MIPOL1: variants seen among roughly 807,000 people sequenced by gnomAD.
MIPOL1 encodes the protein mirror-image polydactyly gene 1 protein.
MIPOL1 carries 57 observed loss-of-function variants against 60.9 expected under a neutral mutation model. The ratio of observed to expected loss-of-function variants is 0.94; its 90% confidence interval spans 0.76 to 1.17. MIPOL1 has a LOEUF of 1.17. Ranked by LOEUF, MIPOL1 falls within the 50% of genes most tolerant of loss-of-function variation. The probability of loss-of-function intolerance (pLI) is 0.00; values close to 1 mark genes in which losing one functional copy is unlikely to be tolerated. For synonymous variants in MIPOL1, 179 were observed against 168.8 expected, an observed-to-expected ratio of 1.06 and a Z score of -0.47; for missense variants, 551 against 511.6, an observed-to-expected ratio of 1.08 and a Z score of -0.74.
chr14:37,395,787 G>A (rs185478500), intron 10 of MIPOL1, among the ~76,000 whole-genome samples: 1 of 152,196 alleles, frequency 6.6e-6, no homozygotes, highest in African/African-American at 2.4e-5. Flanking sequence ...AGGACTTCCA[G>A]TACTATGCTG....
chr14:37,464,962 T>C (rs2094581066), intron 11 of MIPOL1, among the ~76,000 whole-genome samples: 1 of 152,162 alleles, frequency 6.6e-6, no homozygotes, highest in East Asian at 1.9e-4. Flanking sequence ...CTTATTTCAG[T>C]GAAGTTTTGT....
At chr14:37,368,025 T>G (rs1288094236) in intron 9 of MIPOL1, among the ~76,000 whole-genome samples, 1 of 152,016 alleles carries the variant, frequency 6.6e-6, no homozygotes, top group African/African-American at 2.4e-5. Flanking sequence ...TTCAAGTAAA[T>G]TTTTAAAAAT....
intron 12 of MIPOL1, among the ~76,000 whole-genome samples, chr14:37,523,109 T>C (rs2095424927): frequency 6.6e-6 from 1 of 152,190 alleles, no homozygotes; most frequent in Admixed American, 6.5e-5. Context: ...ATCAAAGATT[T>C]ATGTTAACAG....
chr14:37,198,994 T>C (rs1299367948), intron 1 of MIPOL1, among the ~76,000 whole-genome samples: 1 of 152,198 alleles, frequency 6.6e-6, no homozygotes, highest in Admixed American at 6.5e-5. Flanking sequence ...TAATTTTTAA[T>C]GTGAGGAATA....
At chr14:37,338,414 CTTT>C (rs59933277) in intron 9 of MIPOL1, among the ~76,000 whole-genome samples, 206 of 150,236 alleles carry the variant, frequency 1.4e-3, no homozygotes, top group African/African-American at 3.7e-3. Flanking sequence ...CTGGCCCCCC[CTTT>C]TTTTTTTTTG....
rs1179532764 is a variant in MIPOL1 at position 37,548,404 on chromosome 14, G to A, written c.*1433G>A. ...CCTTATTAAATCTGTATCCATTAAAGTAACTTTTTTAACTATGAGAATTAG... is the reference window on the plus strand; with the variant it reads ...CCTTATTAAATCTGTATCCATTAAAATAACTTTTTTAACTATGAGAATTAG... On this transcript the variant is annotated 3_prime_UTR_variant, in exon 13 of 13. Coordinates refer to ENST00000684589, the MANE Select transcript of MIPOL1 (RefSeq NM_001388067.1). The A allele has an allele frequency of 6.6e-6, 1 of 151,890 alleles. No homozygotes were observed. Among genetic ancestry groups the A allele is most frequent in the East Asian group, 1.9e-4 (1 of 5,194 alleles). The allele number at this position is 151,890 out of a possible 1,614,324, so 9.4% of individuals were successfully genotyped here.
intron 11 of MIPOL1, among the ~76,000 whole-genome samples, chr14:37,433,100 T>C (rs2153560258): frequency 6.6e-6 from 1 of 152,302 alleles, no homozygotes; most frequent in Middle Eastern, 3.4e-3. Context: ...TCGCTCTGTT[T>C]CCTAGGCTGG....
chr14:37,365,418 G>C (rs900251243), intron 9 of MIPOL1, among the ~76,000 whole-genome samples: 2 of 152,054 alleles, frequency 1.3e-5, no homozygotes, highest in Non-Finnish European at 2.9e-5. Context: ...TTATCATGAA[G>C]GGATGTTAAA....
intron 11 of MIPOL1, among the ~76,000 whole-genome samples, chr14:37,464,226 A>G (rs1200274622): frequency 7.1e-6 from 1 of 141,552 alleles, no homozygotes; most frequent in Non-Finnish European, 1.5e-5. Context: ...AAATGGAACT[A>G]CCATTCAGCA....
At chr14:37,436,122 A>G (rs567901427) in intron 11 of MIPOL1, among the ~76,000 whole-genome samples, 1 of 152,304 alleles carries the variant, frequency 6.6e-6, no homozygotes, top group African/African-American at 2.4e-5. Flanking sequence ...TTTACATGGC[A>G]CTAATTCAAG....
intron 1 of MIPOL1, among the ~76,000 whole-genome samples, chr14:37,208,360 G>A (rs1446926456): frequency 6.6e-6 from 1 of 151,878 alleles, no homozygotes; most frequent in Admixed American, 6.6e-5. Context: ...TAGTTTTGAG[G>A]ATTTTACTGC....
intron 7 of MIPOL1, among the ~76,000 whole-genome samples, chr14:37,286,054 T>A (rs1381111089): frequency 6.6e-6 from 1 of 152,222 alleles, no homozygotes; most frequent in Non-Finnish European, 1.5e-5. Context: ...CTCTTTTTAT[T>A]ATCTCCTCTT....
intron 1 of MIPOL1, among the ~76,000 whole-genome samples, chr14:37,206,956 T>A (rs1443661286): frequency 6.6e-6 from 1 of 152,214 alleles, no homozygotes; most frequent in Non-Finnish European, 1.5e-5. Flanking sequence ...GGAAAAGACT[T>A]GCCTTGTCTT....
chr14:37,238,355 G>A (rs2153338460), intron 1 of MIPOL1, among the ~76,000 whole-genome samples: 1 of 152,116 alleles, frequency 6.6e-6, no homozygotes, highest in Non-Finnish European at 1.5e-5. Context: ...TATTCTACCT[G>A]TCCTGTGAAT....
intron 9 of MIPOL1, among the ~76,000 whole-genome samples, chr14:37,328,297 A>G (rs1210793898): frequency 6.6e-6 from 1 of 152,024 alleles, no homozygotes; most frequent in Non-Finnish European, 1.5e-5. Flanking sequence ...TTACAGGCAT[A>G]AGCCACCACA....
rs537771032 is a variant in MIPOL1, at chr14:37,261,249, A to G, written c.20-5689A>G. On this transcript the variant is annotated intron_variant, in intron 3 of 12. Transcript: ENST00000684589. ...TTAGAAGAATTACATACAATTGTTA[A>G]CAGAATAAGATTATTTGGGCCAAAA... 5.9e-5 allele frequency among the ~76,000 whole-genome samples: 9 copies of G among 152,016 alleles called. No individual in the cohort carries two copies. In the South Asian group the frequency reaches 1.9e-3, roughly 31 times the overall value.
chr14:37,544,985 T>C (rs1421929838), intron 12 of MIPOL1, among the ~76,000 whole-genome samples: 2 of 152,162 alleles, frequency 1.3e-5, no homozygotes, highest in African/African-American at 4.8e-5. Flanking sequence ...TCTCAGTAAT[T>C]TGGGATTCCA....
chr14:37,247,961 G>A (rs959010139), intron 3 of MIPOL1, 54 bp downstream of exon 3: 10 of 1,584,932 alleles, frequency 6.3e-6, no homozygotes, highest in Non-Finnish European at 8.6e-6. Flanking sequence ...CTAGTTCAAG[G>A]CACTGAGTGA....
chr14:37,454,876 G>A (rs1295105091), intron 11 of MIPOL1, among the ~76,000 whole-genome samples: 1 of 152,090 alleles, frequency 6.6e-6, no homozygotes, highest in African/African-American at 2.4e-5. Flanking sequence ...CAGAAAAAGG[G>A]CAATATCGAT....
Sources: gnomAD v4.1 joint callset for allele counts (sites outside exome capture counted in the v4.1 genomes callset) on GRCh38, gnomAD v4.1.1 for gene constraint, MANE v1.5 for transcripts, NCBI Gene and HGNC (gene_info 2026-07-23, HGNC 2026-07-21) for gene names.